The following AKAP12 variants were observed in gnomAD, a reference collection of about 807,000 sequenced individuals.
The protein encoded by AKAP12 is A-kinase anchor protein 12.
AKAP12 carries 32 observed loss-of-function variants against 79.9 expected under a neutral mutation model. That is an observed-to-expected ratio of 0.40 (90% CI 0.30 to 0.54). The LOEUF (loss-of-function observed/expected upper bound fraction) is 0.54, where lower values mean the gene tolerates loss of function less well. AKAP12 is among the 20% of genes least tolerant of loss of function. The pLI, the probability that AKAP12 is intolerant of heterozygous loss-of-function variation, is 0.48. For synonymous variants in AKAP12, 808 were observed against 857.0 expected (o/e 0.94, Z 1.00); for missense variants, 2,074 against 2,177.0 (o/e 0.95, Z 0.94).
In AKAP12 at chr6:151,326,729, G is replaced by A. The variant is rs549357907; in HGVS notation, c.319+20826G>A. Among the ~76,000 whole-genome samples the A allele has an allele frequency of 4.8e-4, 73 of 152,046 alleles. No individual in the cohort carries two copies. In the South Asian group the frequency reaches 0.014, roughly 29 times the overall value. ...CCTGTCATCAAGAAAATTAAATTCC[G>A]TTTGTGAATTTAACTTTATAGGAAC... On this transcript the variant is annotated intron_variant, in intron 3 of 4. Transcript: ENST00000402676.
intron 4 of AKAP12, among the ~76,000 whole-genome samples, chr6:151,354,016 A>G (rs1778373484): frequency 1.3e-5 from 2 of 152,188 alleles, no homozygotes; most frequent in Admixed American, 1.3e-4. Context: ...ATAAAACGGC[A>G]TGTGTGTGTG....
chr6:151,279,712 C>G (rs1406292485), intron 2 of AKAP12, among the ~76,000 whole-genome samples: 2 of 151,714 alleles, frequency 1.3e-5, no homozygotes. Flanking sequence ...GGCGAGGTGG[C>G]AGGCGCCTGT....
chr6:151,280,467 A>G (rs149498991), intron 2 of AKAP12: 1 of 152,106 alleles, frequency 6.6e-6, no homozygotes, highest in East Asian at 1.9e-4. Context: ...GTTTCAAAAT[A>G]TGCTTAATGC....
In AKAP12 at chr6:151,351,001, G is replaced by C. The variant is rs771869840; in HGVS notation, c.2610G>C (p.Glu870Asp). 1.9e-6 allele frequency: 3 copies of C among 1,614,058 alleles called. No homozygotes were observed. Among genetic ancestry groups the C allele is most frequent in the Admixed American group, 3.3e-5 (2 of 59,998 alleles). Residue 870 changes from glutamate to aspartate, a missense_variant, in exon 4 of 5, where the codon GAG becomes GAC. Around this residue, in one of 3 missense-constraint regions of AKAP12, gnomAD observed 1,428 missense variants for 1,451.0 expected, o/e 0.98. Coordinates refer to ENST00000402676, the MANE Select transcript of AKAP12 (RefSeq NM_005100.4). The surrounding 1 kb of genome is among the most constrained non-coding windows in gnomAD (Gnocchi z 4.4). ...MEAQQAQKSA[E>D]QPEQKAATEV... ...CACAGCAAGCCCAAAAAAGCGCAGA[G>C]CAGCCCGAGCAGAAGGCAGCCACTG...
intron 2 of AKAP12, among the ~76,000 whole-genome samples, chr6:151,300,390 C>T (rs1323043913): frequency 6.6e-6 from 1 of 152,160 alleles, no homozygotes; most frequent in East Asian, 1.9e-4. Flanking sequence ...GCCACTTGCA[C>T]CCGGTCGTCC....
intron 3 of AKAP12, among the ~76,000 whole-genome samples, chr6:151,318,992 A>G (rs1353956441): frequency 2.0e-5 from 3 of 152,168 alleles, no homozygotes; most frequent in Admixed American, 6.6e-5. Flanking sequence ...TTTTTTACAT[A>G]TATCTATACC....
At chr6:151,249,680 T>A (rs1349730379) in intron 2 of AKAP12, among the ~76,000 whole-genome samples, 1 of 152,242 alleles carries the variant, frequency 6.6e-6, no homozygotes, top group Non-Finnish European at 1.5e-5. Context: ...GTACCATTGA[T>A]TAAAAAGTTA....
At chr6:151,353,968 C>G (rs367905379) in intron 4 of AKAP12, among the ~76,000 whole-genome samples, 1 of 152,068 alleles carries the variant, frequency 6.6e-6, no homozygotes, top group Non-Finnish European at 1.5e-5. Context: ...AAAAGAACGA[C>G]TTCGTTTTAC....
chr6:151,255,492 G>T (rs925930946), intron 2 of AKAP12, among the ~76,000 whole-genome samples: 3 of 151,948 alleles, frequency 2.0e-5, no homozygotes, highest in African/African-American at 7.2e-5. Flanking sequence ...TTTATTGTGG[G>T]ATCCTGGAAT....
At chr6:151,293,163 G>A (rs1776655295) in intron 2 of AKAP12, among the ~76,000 whole-genome samples, 3 of 152,210 alleles carry the variant, frequency 2.0e-5, no homozygotes, top group Non-Finnish European at 4.4e-5. Context: ...AGATTTCTAA[G>A]CAAGGATGTG....
intron 2 of AKAP12, among the ~76,000 whole-genome samples, chr6:151,261,530 C>A (rs1265120831): frequency 8.6e-5 from 13 of 151,574 alleles, no homozygotes; most frequent in African/African-American, 2.9e-4. Flanking sequence ...AAAATACAAA[C>A]CCCGTCTTTA....
Position 151,351,545 on chromosome 6 carries a change from G to C in AKAP12, c.3154G>C (p.Glu1052Gln). 1 of 1,614,150 alleles carries C rather than the reference G, an allele frequency of 6.2e-7. No individual in the cohort carries two copies. Among genetic ancestry groups the C allele is most frequent in the Non-Finnish European group, 8.5e-7 (1 of 1,180,032 alleles). Reference sequence around the variant, plus strand: ...CCAGGCAGTGGCAGAAAAAGTGAAAGAGGAATCCCAGCTGCCTGGCACCGG... The same window carrying C: ...CCAGGCAGTGGCAGAAAAAGTGAAACAGGAATCCCAGCTGCCTGGCACCGG... ...VLQAVAEKVKEESQLPGTGGP... is the reference protein window; with the variant it reads ...VLQAVAEKVKQESQLPGTGGP... The change falls in exon 4 of 5, where the codon GAG becomes CAG. Residue 1052 changes from glutamate (E) to glutamine (Q), a missense_variant. Physicochemically the swap from Glu to Gln is conservative, Grantham distance 29. This residue lies in a region of AKAP12 where 1,428 missense variants were observed against 1,451.0 expected (regional missense o/e 0.98). Coordinates refer to ENST00000402676, the MANE Select transcript of AKAP12 (RefSeq NM_005100.4). This position sits in a 1 kb window ranked among gnomAD's most constrained non-coding sequence, Gnocchi z 4.4.
At chr6:151,338,174 A>G (rs9479015) in intron 3 of AKAP12, among the ~76,000 whole-genome samples, 26,536 of 152,166 alleles carry the variant, frequency 0.17, 3,731 homozygotes, top group African/African-American at 0.4. Flanking sequence ...TATCAATATC[A>G]TACATTTACG....
At chr6:151,257,335 C>T (rs919976943) in intron 2 of AKAP12, among the ~76,000 whole-genome samples, 18 of 152,112 alleles carry the variant, frequency 1.2e-4, no homozygotes, top group African/African-American at 4.3e-4. Flanking sequence ...CTTGCTCTGT[C>T]GCCCAGGCTG....
rs776350724 is a variant in AKAP12, at chr6:151,350,110, C to T, written c.1719C>T (p.Pro573=). ...GESSASSPEE[P]EEITCLEKGL... The stretch of plus-strand genomic sequence containing the variant: ...GCTCTGCCTCATCCCCTGAGGAGCC[C>T]GAGGAGATCACGTGTCTGGAAAAGG... The change falls in exon 4 of 5, where the codon CCC becomes CCT. Residue 573 remains proline, a synonymous_variant. Transcript: ENST00000402676. The surrounding 1 kb of genome is among the most constrained non-coding windows in gnomAD (Gnocchi z 4.8). 40 of 1,613,620 alleles carry T rather than the reference C, an allele frequency of 2.5e-5. No individual in the cohort carries two copies. The highest frequency in any genetic ancestry group is 2.1e-4 in the South Asian group (19 of 91,048).
At chr6:151,344,609 C>G (rs1256092821) in intron 3 of AKAP12, among the ~76,000 whole-genome samples, 1 of 152,110 alleles carries the variant, frequency 6.6e-6, no homozygotes, top group Non-Finnish European at 1.5e-5. Flanking sequence ...TCTTGGCTCA[C>G]TGCAACCTCT....
intron 3 of AKAP12, among the ~76,000 whole-genome samples, chr6:151,315,232 G>A (rs1266556612): frequency 2.0e-5 from 3 of 152,176 alleles, no homozygotes; most frequent in Admixed American, 6.6e-5. Flanking sequence ...ATAAGCAACA[G>A]AAATTTATTA....
chr6:151,268,625 T>C (rs1776105637), intron 2 of AKAP12, among the ~76,000 whole-genome samples: 1 of 152,120 alleles, frequency 6.6e-6, no homozygotes, highest in African/African-American at 2.4e-5. Flanking sequence ...AAAAGACTTG[T>C]GGTTTTTTGT....
intron 3 of AKAP12, among the ~76,000 whole-genome samples, chr6:151,320,589 T>C (rs1483625698): frequency 6.6e-6 from 1 of 152,176 alleles, no homozygotes; most frequent in Admixed American, 6.5e-5. Context: ...TCTTATTTCA[T>C]GGACATCATT....
Sources: allele counts gnomAD v4.1 joint callset (sites outside exome capture counted in the v4.1 genomes callset), GRCh38; gene constraint gnomAD v4.1.1; regional missense constraint gnomAD v4.1.1; non-coding constraint Gnocchi (gnomAD v3.1); transcripts MANE v1.5; gene names NCBI Gene and HGNC (gene_info 2026-07-23, HGNC 2026-07-21).